CCDC9: variants seen among roughly 807,000 people sequenced by gnomAD.
CCDC9 encodes the protein coiled-coil domain-containing protein 9.
CCDC9 carries 52 observed loss-of-function variants against 65.6 expected under a neutral mutation model. The ratio of observed to expected loss-of-function variants is 0.79; its 90% CI spans 0.63 to 1.00. The LOEUF (loss-of-function observed/expected upper bound fraction) is 1.00. Ranked by LOEUF, CCDC9 falls within the 50% of genes least tolerant of loss-of-function variation. The pLI is 0.00. For synonymous variants in CCDC9, 332 were observed against 280.3 expected (o/e 1.18, Z -1.84); for missense variants, 834 against 757.2 (o/e 1.10, Z -1.19).
intron 8 of CCDC9, 67 bp downstream of exon 8, chr19:47,266,859 T>C: frequency 6.6e-7 from 1 of 1,524,308 alleles, no homozygotes; most frequent in African/African-American, 1.4e-5. Flanking sequence ...CTAAGTCCTA[T>C]GCCTCTCTCT....
intron 8 of CCDC9, among the ~76,000 whole-genome samples, chr19:47,267,772 C>T (rs2059091975): frequency 1.3e-5 from 2 of 152,190 alleles, no homozygotes; most frequent in Admixed American, 6.5e-5. Flanking sequence ...TAGACCTTTG[C>T]ATCCTCCTGC....
chr19:47,271,140 C>T lies in CCDC9; in HGVS notation c.1144C>T (p.Pro382Ser). ...GGCAGCATCCCCAGCCCCTGAGACT[C>T]CACAGCCTACTTCCCCCGAGACTTC... ...EGAASPAPET[P>S]QPTSPETSPK... The change falls in exon 11 of 12, where the codon CCA (proline) becomes TCA (serine). Residue 382 changes from proline (P) to serine (S), a missense_variant. Transcript: ENST00000221922. 6.3e-7 allele frequency: 1 copy of T among 1,586,890 alleles called. No individual in the cohort carries two copies. The highest frequency in any genetic ancestry group is 1.1e-5 in the South Asian group (1 of 87,340).
chr19:47,270,466 C>G lies in CCDC9; in HGVS notation c.949+13C>G. On this transcript the variant is annotated intron_variant, in intron 9 of 11. Transcript: ENST00000221922. Reference sequence around the variant, plus strand: ...TCCCACCGCTATGGTGAGTGGGTGCCCTTGGATGAGCTGAGGCTCGGTCTG... The same window carrying G: ...TCCCACCGCTATGGTGAGTGGGTGCGCTTGGATGAGCTGAGGCTCGGTCTG... The G allele has an allele frequency of 6.2e-7, 1 of 1,614,196 alleles. No homozygotes were observed.
At position 47,268,920 on chromosome 19, in the gene CCDC9, A is replaced by G. The variant is rs377046326; in HGVS notation, c.903-1487A>G. ...GCGACAGAGAGAGACTCCGTTTCAAAAAATAATAATAATAATAATAATAAT... is the reference window on the plus strand; with the variant it reads ...GCGACAGAGAGAGACTCCGTTTCAAGAAATAATAATAATAATAATAATAAT... On this transcript the variant is annotated intron_variant, in intron 8 of 11. Coordinates refer to ENST00000221922, the MANE Select transcript of CCDC9 (RefSeq NM_015603.3). Among the ~76,000 whole-genome samples the G allele has an allele frequency of 4.0e-3, 599 of 151,154 alleles. 8 individuals carry two copies. The highest frequency in any genetic ancestry group is 0.014 in the African/African-American group (561 of 41,150).
intron 1 of CCDC9, 67 bp from the exon 2 acceptor site, chr19:47,258,263 G>C: frequency 1.2e-6 from 1 of 842,790 alleles, no homozygotes; most frequent in Non-Finnish European, 2.0e-6. Context: ...GGATCCCGCA[G>C]TATGTTAGAG....
downstream of CCDC9, chr19:47,275,354 C>G (rs1042940053): frequency 2.0e-6 from 3 of 1,536,768 alleles, no homozygotes; most frequent in East Asian, 5.2e-5. Context: ...GGTAACTCTC[C>G]CTTCCACCCC....
Position 47,260,844 on chromosome 19 carries a change from G to T in CCDC9, c.462+5G>T, listed in dbSNP as rs745999011. ...ATCTCTGACCGTAAATCCAAGGTAG[G>T]AGCTAGGCAGCGCCTGGAGCCCTGG... On this transcript the variant is annotated splice_donor_5th_base_variant and intron_variant, in intron 5 of 11. Transcript: ENST00000221922. 2 of 1,607,514 alleles carry T rather than the reference G, an allele frequency of 1.2e-6. No homozygotes were observed. The highest frequency in any genetic ancestry group is 2.7e-5 in the African/African-American group (2 of 74,532).
At chr19:47,257,965 C>A (rs1272700002) in intron 1 of CCDC9, 1 of 206,250 alleles carries the variant, frequency 4.8e-6, no homozygotes, top group Non-Finnish European at 1.0e-5. Context: ...TTGGAACTCT[C>A]TTGAGATAGG....
intron 3 of CCDC9, 75 bp from the exon 4 acceptor site, chr19:47,260,246 G>A (rs2059035929): frequency 9.5e-7 from 1 of 1,052,942 alleles, no homozygotes; most frequent in Admixed American, 2.0e-5. Context: ...AGACTTAGGA[G>A]GAGTTCAGGG....
rs777028907 is a variant in CCDC9 at position 47,258,383 on chromosome 19, C to T, written c.-18C>T. ...CAGGGGAGGTTTGCTGGGACCTTGG[C>T]TCCACGCAGCCAGCGAAATGGTGAG... On this transcript the variant is annotated 5_prime_UTR_variant, in exon 2 of 12. Transcript: ENST00000221922. 1 of 1,613,806 alleles carries T rather than the reference C, an allele frequency of 6.2e-7. No individual in the cohort carries two copies. The highest frequency in any genetic ancestry group is 8.5e-7 in the Non-Finnish European group (1 of 1,179,784).
intron 8 of CCDC9, 135 bp from the exon 9 acceptor site, chr19:47,270,272 T>A: frequency 1.2e-6 from 1 of 821,110 alleles, no homozygotes; most frequent in Non-Finnish European, 2.0e-6. Flanking sequence ...CCCGGCCCTG[T>A]CCTACTTCTA....
At chr19:47,275,580 A>G, downstream of CCDC9, 2 of 576,064 alleles carry the variant, frequency 3.5e-6, no homozygotes, top group South Asian at 4.7e-5. Flanking sequence ...TCCCATCCTG[A>G]GCTCTGTCTC....
chr19:47,271,815 G>A lies in CCDC9; in HGVS notation c.*137G>A, dbSNP rs1284777467. On this transcript the variant is annotated 3_prime_UTR_variant, in exon 12 of 12. Transcript: ENST00000221922. ...GGGGCTGGGCCCTGGGACCCAGTGT[G>A]CCCCACAGCCCTGTCAGCTGAGGGG... The A allele has an allele frequency of 1.4e-6, 2 of 1,435,666 alleles. No homozygotes were observed. Among genetic ancestry groups the A allele is most frequent in the Admixed American group, 5.6e-5 (2 of 35,656 alleles). 88.9% of individuals were successfully genotyped at this position (1,435,666 alleles called of 1,614,324 possible).
Position 47,271,728 on chromosome 19 carries a change from T to G in CCDC9, c.*50T>G, listed in dbSNP as rs1016207402. The G allele has an allele frequency of 7.7e-6, 7 of 912,830 alleles. No individual in the cohort carries two copies. The highest frequency in any genetic ancestry group is 4.4e-4 in the Middle Eastern group (1 of 2,258). 56.5% of individuals were successfully genotyped at this position (912,830 alleles called of 1,614,324 possible). ...GTGTGTGTGTGTGTGTGTGTGTGTG[T>G]GTGTGCGCGCGCGCGCGCGCGCGCG... On this transcript the variant is annotated 3_prime_UTR_variant, in exon 12 of 12. Transcript: ENST00000221922.
At position 47,265,984 on chromosome 19, in the gene CCDC9, CTTTT is replaced by C. The variant is rs1158302196; in HGVS notation, c.721-601_721-598del. On this transcript the variant is annotated intron_variant, in intron 7 of 11. Coordinates refer to ENST00000221922, the MANE Select transcript of CCDC9 (RefSeq NM_015603.3). Reference sequence around the variant, plus strand: ...TACAGGCGTGAGCCACCGCTCCTGGCTTTTTTTTTTTTTTTTTTTTTTTTTTTTT... The same window carrying C: ...TACAGGCGTGAGCCACCGCTCCTGGCTTTTTTTTTTTTTTTTTTTTTTTTT... 1.8e-4 allele frequency among the ~76,000 whole-genome samples: 13 copies of C among 72,624 alleles called. 1 individual carries two copies. Among genetic ancestry groups the C allele is most frequent in the African/African-American group, 8.2e-4 (10 of 12,218 alleles). The allele number at this position is 72,624 out of a possible 152,430, so 47.6% of individuals were successfully genotyped here.
At chr19:47,257,310 T>C (rs1354168394) in intron 1 of CCDC9, among the ~76,000 whole-genome samples, 1 of 142,324 alleles carries the variant, frequency 7.0e-6, no homozygotes, top group African/African-American at 2.7e-5. Flanking sequence ...GGGGCTGGAA[T>C]AATAATAAGA....
Position 47,264,610 on chromosome 19 carries a change from A to G in CCDC9, c.470A>G (p.Glu157Gly). The G allele has an allele frequency of 6.3e-7, 1 of 1,596,850 alleles. No homozygotes were observed. ...SISDRKSKEW[E>G]ERRRQNIEKM... ...CTATCTTTATCCCCCCAGGAGTGGG[A>G]GGAGCGGCGCAGGCAGAACATTGAG... The change falls in exon 6 of 12, where the codon GAG becomes GGG. Residue 157 changes from glutamate (E) to glycine (G), a missense_variant. Coordinates refer to ENST00000221922, the MANE Select transcript of CCDC9 (RefSeq NM_015603.3).
chr19:47,275,206 T>A (rs2059150758), downstream of CCDC9: 10 of 1,523,944 alleles, frequency 6.6e-6, no homozygotes, highest in Non-Finnish European at 8.8e-6. Flanking sequence ...CTCTCCTGCC[T>A]CCTGGGAGTC....
Position 47,266,764 on chromosome 19 carries a change from G to T in CCDC9, c.874G>T (p.Glu292Ter). ...CAAGCCCACTGGCCAGTGGAGGCGC[G>T]AGTGGGATGCCGAGAAGACCGATGG... The part of the protein sequence containing the change: ...HRKPTGQWRR[E>*]WDAEKTDGMF... The change falls in exon 8 of 12, where the codon GAG (glutamate) becomes TAG (stop). Residue 292 changes from glutamate (E) to a stop codon, truncating the protein, a stop_gained. Coordinates refer to ENST00000221922, the MANE Select transcript of CCDC9 (RefSeq NM_015603.3). LOFTEE classifies it high-confidence loss of function. 1 of 1,609,534 alleles carries T rather than the reference G, an allele frequency of 6.2e-7. No individual in the cohort carries two copies. The highest frequency in any genetic ancestry group is 8.5e-7 in the Non-Finnish European group (1 of 1,178,054).
Sources: gnomAD v4.1 joint callset for allele counts (sites outside exome capture counted in the v4.1 genomes callset) on GRCh38, gnomAD v4.1.1 for gene constraint, MANE v1.5 for transcripts, NCBI Gene and HGNC (gene_info 2026-07-23, HGNC 2026-07-21) for gene names.